The following ABCA12 variants were observed in gnomAD, a reference collection of about 807,000 sequenced individuals.
The protein encoded by ABCA12 is ATP binding cassette subfamily A member 12.
In ABCA12, 156 loss-of-function variants were observed where a neutral mutation model predicts 293.5. The observed-to-expected ratio is 0.53, with a 90% CI of 0.47 to 0.61. The LOEUF is 0.61. Ranked by LOEUF, ABCA12 falls within the 20% of genes least tolerant of loss-of-function variation. The pLI is 0.00. For synonymous variants in ABCA12, 1,063 were observed against 1,108.0 expected (o/e 0.96, Z 0.81); for missense variants, 2,797 against 3,090.2 (o/e 0.91, Z 2.25).
At chr2:214,976,994 T>A (rs1217843130) in intron 33 of ABCA12, among the ~76,000 whole-genome samples, 4 of 152,216 alleles carry the variant, frequency 2.6e-5, no homozygotes, top group Non-Finnish European at 4.4e-5. Flanking sequence ...ACAAAAATCA[T>A]GATCTTCATT....
chr2:215,070,274 C>T (rs1374974493), intron 2 of ABCA12, among the ~76,000 whole-genome samples: 3 of 152,210 alleles, frequency 2.0e-5, no homozygotes, highest in African/African-American at 4.8e-5. Context: ...TGAATCCATT[C>T]GCCATCTATT....
At chr2:214,997,931 G>C (rs1700070242) in intron 22 of ABCA12, 122 bp from the exon 23 acceptor site, 1 of 690,092 alleles carries the variant, frequency 1.4e-6, no homozygotes, top group Admixed American at 2.4e-5. Flanking sequence ...TTTTGAAATT[G>C]AAAATAATCG....
At chr2:214,987,116 G>T (rs535467644) in intron 27 of ABCA12, among the ~76,000 whole-genome samples, 8 of 152,198 alleles carry the variant, frequency 5.3e-5, no homozygotes, top group Admixed American at 4.6e-4. Context: ...GATAAGACTA[G>T]TTGAGATTGT....
intron 2 of ABCA12, among the ~76,000 whole-genome samples, chr2:215,094,555 T>C (rs1203485350): frequency 6.6e-6 from 1 of 151,632 alleles, no homozygotes; most frequent in East Asian, 1.9e-4. Context: ...CAACCTCTTC[T>C]ATGTAGGTCA....
At chr2:215,007,608 G>A in intron 19 of ABCA12, 119 bp downstream of exon 19, 2 of 1,324,464 alleles carry the variant, frequency 1.5e-6, no homozygotes, top group African/African-American at 1.5e-5. Flanking sequence ...CTCTGGAAGA[G>A]AGGCAATTTA....
chr2:215,115,604 A>G (rs2106132905), intron 1 of ABCA12, among the ~76,000 whole-genome samples: 1 of 152,114 alleles, frequency 6.6e-6, no homozygotes, highest in African/African-American at 2.4e-5. Flanking sequence ...ACCCCCCTAT[A>G]CTCTTGGCAT....
rs1162492605 is a variant in ABCA12, at chr2:214,987,658, T to C, written c.3965A>G (p.Asn1322Ser). 1 of 1,613,468 alleles carries C rather than the reference T, an allele frequency of 6.2e-7. No homozygotes were observed. Among genetic ancestry groups the C allele is most frequent in the East Asian group, 2.2e-5 (1 of 44,836 alleles). ...MFTNIMMQNT[N>S]PSASPEYMFS... is the part of the protein sequence containing the mutation. ...CCGACTTGTCTTACTGGCAGATGGG[T>C]TGGTGTTCTGCATCATGATGTTAGT... Residue 1322 changes from asparagine to serine, a missense_variant, in exon 27 of 53, where the codon AAC becomes AGC. Transcript: ENST00000272895.
intron 1 of ABCA12, among the ~76,000 whole-genome samples, chr2:215,135,816 T>A (rs912224172): frequency 6.6e-6 from 1 of 152,170 alleles, no homozygotes; most frequent in Non-Finnish European, 1.5e-5. Flanking sequence ...TCTTCCTTTT[T>A]AAGTGTAATG....
At position 215,019,836 on chromosome 2, in the gene ABCA12, C is replaced by T. The variant is rs143420357; in HGVS notation, c.1288-40G>A. ...AAAAGAGTGGGAAATAGATTAGTTACATTTTTCTACATATATAGTAGTTGA... is the reference window on the plus strand; with the variant it reads ...AAAAGAGTGGGAAATAGATTAGTTATATTTTTCTACATATATAGTAGTTGA... On this transcript the variant is annotated intron_variant, in intron 11 of 52. Transcript: ENST00000272895. 58 of 1,598,452 alleles carry T rather than the reference C, an allele frequency of 3.6e-5. 1 individual carries two copies. The Middle Eastern group carries it at 6.4e-4, about 18-fold the overall frequency.
intron 2 of ABCA12, among the ~76,000 whole-genome samples, chr2:215,105,338 G>T (rs1030105072): frequency 7.2e-5 from 11 of 152,264 alleles, no homozygotes; most frequent in Admixed American, 3.9e-4. Flanking sequence ...ATGCAGGGAA[G>T]ATAAAAGGAC....
intron 19 of ABCA12, among the ~76,000 whole-genome samples, chr2:215,006,332 G>A (rs16853099): frequency 0.029 from 4,427 of 152,102 alleles, 197 homozygotes; most frequent in African/African-American, 0.099. Flanking sequence ...AGTAGCCTTC[G>A]TTTTCTGAGA....
At chr2:215,030,878 T>A (rs1700862847) in intron 9 of ABCA12, among the ~76,000 whole-genome samples, 1 of 152,222 alleles carries the variant, frequency 6.6e-6, no homozygotes. Flanking sequence ...ACCTAAGTAA[T>A]CCTGTTTGTT....
At position 215,039,551 on chromosome 2, in the gene ABCA12, C is replaced by T. The variant is rs553403621; in HGVS notation, c.873-2486G>A. Among the ~76,000 whole-genome samples the T allele has an allele frequency of 2.1e-4, 32 of 152,160 alleles. No individual in the cohort carries two copies. In the East Asian group the frequency reaches 5.6e-3, roughly 27 times the overall value. Reference sequence around the variant, plus strand: ...CGGATGGATCATGAGGTCAGGAGATCGAGACCATCCTGGCTAACACAGTGA... The same window carrying T: ...CGGATGGATCATGAGGTCAGGAGATTGAGACCATCCTGGCTAACACAGTGA... On this transcript the variant is annotated intron_variant, in intron 7 of 52. Transcript: ENST00000272895.
chr2:215,071,066 A>G (rs1559177518), intron 2 of ABCA12, among the ~76,000 whole-genome samples: 1 of 151,778 alleles, frequency 6.6e-6, no homozygotes, highest in African/African-American at 2.4e-5. Flanking sequence ...GCATGCTGGT[A>G]TGTGCCTGCA....
chr2:214,935,673 TATA>T (rs1385367279), intron 51 of ABCA12, among the ~76,000 whole-genome samples: 3 of 152,074 alleles, frequency 2.0e-5, no homozygotes, highest in Non-Finnish European at 2.9e-5. Flanking sequence ...GGCACATGCC[TATA>T]TGCTTGGCTA....
At chr2:214,976,167 T>G in intron 33 of ABCA12, 130 bp from the exon 34 acceptor site, 3 of 1,281,406 alleles carry the variant, frequency 2.3e-6, no homozygotes, top group East Asian at 2.5e-5. Flanking sequence ...GGATTTGAGG[T>G]TCAGCAATGT....
rs182989689 is a variant in ABCA12, at chr2:215,117,125, T to A, written c.70-5435A>T. On this transcript the variant is annotated intron_variant, in intron 1 of 52. Transcript: ENST00000272895. ...ATTGTTCTAGAAAAGAAGTTATTTGTGCTGTTCTTGCAACATTTCTGTAAA... is the reference window on the plus strand; with the variant it reads ...ATTGTTCTAGAAAAGAAGTTATTTGAGCTGTTCTTGCAACATTTCTGTAAA... Among the ~76,000 whole-genome samples, 38 of 152,336 alleles carry A rather than the reference T, an allele frequency of 2.5e-4. No homozygotes were observed. The East Asian group carries it at 4.8e-3, about 19-fold the overall frequency.
At chr2:215,016,582 CAAAAAAAAAAAAAAAAAAA>C (rs71041981) in intron 14 of ABCA12, among the ~76,000 whole-genome samples, 639 of 29,992 alleles carry the variant, frequency 0.021, 29 homozygotes, top group African/African-American at 0.05. Flanking sequence ...GACTCTGTCT[CAAAAAAAAAAAAAAAAAAA>C]AAAAAAAAAA....
Position 214,987,656 on chromosome 2 carries a change from G to C in ABCA12, c.3967C>G (p.Pro1323Ala), listed in dbSNP as rs772305847. 6.2e-7 allele frequency: 1 copy of C among 1,613,100 alleles called. No individual in the cohort carries two copies. Among genetic ancestry groups the C allele is most frequent in the Non-Finnish European group, 8.5e-7 (1 of 1,179,296 alleles). Residue 1323 changes from proline to alanine, a missense_variant, in exon 27 of 53, where the codon CCA becomes GCA. Transcript: ENST00000272895. Reference sequence around the variant, plus strand: ...GACCGACTTGTCTTACTGGCAGATGGGTTGGTGTTCTGCATCATGATGTTA... The same window carrying C: ...GACCGACTTGTCTTACTGGCAGATGCGTTGGTGTTCTGCATCATGATGTTA... Reference protein sequence around the residue: ...FTNIMMQNTNPSASPEYMFSS... With the variant: ...FTNIMMQNTNASASPEYMFSS...
Sources: gnomAD v4.1 joint callset for allele counts (sites outside exome capture counted in the v4.1 genomes callset) on GRCh38, gnomAD v4.1.1 for gene constraint, MANE v1.5 for transcripts, NCBI Gene and HGNC (gene_info 2026-07-23, HGNC 2026-07-21) for gene names.